The following S100A8 variants were observed in gnomAD, a reference collection of about 807,000 sequenced individuals.
S100A8 encodes the protein S100 calcium binding protein A8, also known as protein S100-A8.
S100A8 carries 1 observed loss-of-function variant against 4.2 expected under a neutral mutation model. The observed-to-expected ratio is 0.24, with a 90% CI of 0.08 to 1.12. S100A8 has a LOEUF of 1.12. Ranked by LOEUF, S100A8 falls within the 50% of genes most tolerant of loss-of-function variation. S100A8 has a pLI of 0.53. For synonymous variants in S100A8, 41 were observed against 44.7 expected, an observed-to-expected ratio of 0.92 and a Z score of 0.33; for missense variants, 96 against 111.8, an observed-to-expected ratio of 0.86 and a Z score of 0.64.
At chr1:153,406,106 G>A in the S100A8 span, among the ~76,000 whole-genome samples, 3 of 152,052 alleles carry the variant, frequency 2.0e-5, no homozygotes, top group African/African-American at 7.2e-5. Context: ...TTGAAAGGAT[G>A]CCCCTACAAA....
the S100A8 span, chr1:153,422,473 G>C: frequency 2.8e-5 from 27 of 967,070 alleles, no homozygotes; most frequent in Non-Finnish European, 3.2e-5. Flanking sequence ...CATTATATTG[G>C]TACTAAAGAG....
At chr1:153,399,760 G>T in the S100A8 span, among the ~76,000 whole-genome samples, 1 of 152,262 alleles carries the variant, frequency 6.6e-6, no homozygotes, top group South Asian at 2.1e-4. Context: ...AGTTGGGGGG[G>T]ACTTCCTTAG....
upstream of S100A8, among the ~76,000 whole-genome samples, chr1:153,393,665 C>T (rs1479325433): frequency 1.3e-5 from 2 of 152,186 alleles, no homozygotes; most frequent in Non-Finnish European, 2.9e-5. Flanking sequence ...AACCAAGGAT[C>T]CACCCTTGGT....
chr1:153,390,649 C>T, intron 1 of S100A8, 92 bp from the exon 2 acceptor site: 1 of 1,501,532 alleles, frequency 6.7e-7, no homozygotes, highest in African/African-American at 1.4e-5. Context: ...AAGCGATGGC[C>T]TTGTCCTGGC....
chr1:153,391,609 C>CGTT (rs1662100062), upstream of S100A8, among the ~76,000 whole-genome samples: 1 of 152,112 alleles, frequency 6.6e-6, no homozygotes. Flanking sequence ...CTAAAACTAT[C>CGTT]GTTGTTGTTC....
chr1:153,390,654 C>A, intron 1 of S100A8, 97 bp from the exon 2 acceptor site: 1 of 1,478,544 alleles, frequency 6.8e-7, no homozygotes, highest in South Asian at 1.3e-5. Context: ...ATGGCCTTGT[C>A]CTGGCCTGCA....
At chr1:153,409,157 G>C in the S100A8 span, among the ~76,000 whole-genome samples, 1 of 152,086 alleles carries the variant, frequency 6.6e-6, no homozygotes, top group African/African-American at 2.4e-5. Context: ...TGGGCTAAAT[G>C]CTCCAATTAA....
the S100A8 span, among the ~76,000 whole-genome samples, chr1:153,401,016 CT>C: frequency 6.6e-6 from 1 of 152,162 alleles, no homozygotes. Context: ...CCTTTTCACC[CT>C]ACCTTTTGTT....
the S100A8 span, among the ~76,000 whole-genome samples, chr1:153,400,601 T>C: frequency 6.6e-6 from 1 of 152,340 alleles, no homozygotes; most frequent in African/African-American, 2.4e-5. Context: ...TCCAGTTTGC[T>C]GGGTGAGCCT....
the S100A8 span, among the ~76,000 whole-genome samples, chr1:153,396,294 C>T: frequency 6.6e-6 from 1 of 152,284 alleles, no homozygotes; most frequent in South Asian, 2.1e-4. Context: ...TCCCTGGAGG[C>T]AAGGGCTATT....
rs751883285 is a variant in S100A8 at position 153,390,416 on chromosome 1, G to A, written c.120C>T (p.Thr40=). The A allele has an allele frequency of 1.9e-5, 31 of 1,613,970 alleles. No homozygotes were observed. Among genetic ancestry groups the A allele is most frequent in the South Asian group, 6.6e-5 (6 of 91,076 alleles). ...YRDDLKKLLE[T]ECPQYIRKKG... ...TCACCCTGATATACTGAGGACACTCGGTCTCTAGCAATTTCTTCAGGTCAT... is the reference window on the plus strand; with the variant it reads ...TCACCCTGATATACTGAGGACACTCAGTCTCTAGCAATTTCTTCAGGTCAT... The change falls in exon 2 of 3, where the codon ACC becomes ACT. Residue 40 remains threonine, a synonymous_variant. Coordinates refer to ENST00000368733, the MANE Select transcript of S100A8 (RefSeq NM_002964.5).
chr1:153,390,328 G>C lies in S100A8; in HGVS notation c.141+67C>G. 6 of 1,603,332 alleles carry C rather than the reference G, an allele frequency of 3.7e-6. No individual in the cohort carries two copies. The South Asian group carries it at 6.6e-5, about 18-fold the overall frequency. On this transcript the variant is annotated intron_variant, in intron 2 of 2. Transcript: ENST00000368733. ...AGCCATCTATGAAGGGTGGCAGGGA[G>C]GACCGCTGGCCCAGGGCAGCCCCAG...
the S100A8 span, chr1:153,419,914 G>T: frequency 1.8e-4 from 28 of 153,336 alleles, no homozygotes; most frequent in Non-Finnish European, 1.5e-5. Context: ...CTTTCCCTGT[G>T]CTGTGTGCTT....
the S100A8 span, among the ~76,000 whole-genome samples, chr1:153,397,084 G>A: frequency 1.3e-3 from 201 of 152,334 alleles, no homozygotes; most frequent in Middle Eastern, 0.01. Context: ...AGACGACTTC[G>A]CATCCACTGG....
At chr1:153,409,191 T>C in the S100A8 span, among the ~76,000 whole-genome samples, 1 of 152,096 alleles carries the variant, frequency 6.6e-6, no homozygotes, top group South Asian at 2.1e-4. Context: ...GCAAATTGGA[T>C]AAAGAGTCAA....
chr1:153,418,116 G>C, the S100A8 span: 1 of 1,614,126 alleles, frequency 6.2e-7, no homozygotes, highest in African/African-American at 1.3e-5. Context: ...GTCCATAATA[G>C]GCATGATCGA....
At chr1:153,398,388 C>T in the S100A8 span, among the ~76,000 whole-genome samples, 25 of 152,300 alleles carry the variant, frequency 1.6e-4, no homozygotes, top group East Asian at 4.8e-3. Flanking sequence ...TACTCCCACC[C>T]TGGTTAGGGG....
At chr1:153,416,157 A>G in the S100A8 span, among the ~76,000 whole-genome samples, 2 of 152,206 alleles carry the variant, frequency 1.3e-5, no homozygotes, top group Non-Finnish European at 2.9e-5. Context: ...GTGTGGAAGT[A>G]CTGGGGGAGG....
At chr1:153,390,643 G>C in intron 1 of S100A8, 86 bp from the exon 2 acceptor site, 1 of 1,521,002 alleles carries the variant, frequency 6.6e-7, no homozygotes, top group Non-Finnish European at 8.9e-7. Context: ...TGCCCCAAGC[G>C]ATGGCCTTGT....
Sources: gnomAD v4.1 joint callset for allele counts (sites outside exome capture counted in the v4.1 genomes callset) on GRCh38, gnomAD v4.1.1 for gene constraint, MANE v1.5 for transcripts, NCBI Gene and HGNC (gene_info 2026-07-23, HGNC 2026-07-21) for gene names.